Variants in ADPGK observed in about 807,000 individuals in gnomAD.
ADPGK encodes ADP dependent glucokinase.
A neutral mutation model predicts 42.4 loss-of-function variants in ADPGK; 26 were observed. The observed-to-expected ratio is 0.61, with a 90% CI of 0.45 to 0.85. ADPGK has a LOEUF of 0.85. Among genes scored for constraint, ADPGK ranks in the 40% least tolerant of loss-of-function variants. ADPGK has a pLI of 0.00. For missense variants in ADPGK, 571 were observed against 627.0 expected (o/e 0.91, Z 0.95); for synonymous variants, 267 against 252.6 (o/e 1.06, Z -0.54).
chr15:72,762,776 G>A (rs2066210678), intron 3 of ADPGK, among the ~76,000 whole-genome samples: 1 of 152,156 alleles, frequency 6.6e-6, no homozygotes, highest in African/African-American at 2.4e-5. Context: ...GAGGTCAGGA[G>A]TTCGAGACCA....
Position 72,757,994 on chromosome 15 carries a change from T to C in ADPGK, c.644-1547A>G, listed in dbSNP as rs945711457. The C allele has an allele frequency of 3.6e-6, 5 of 1,381,154 alleles. No homozygotes were observed. In the African/African-American group the frequency reaches 7.2e-5, roughly 20 times the overall value. The allele number at this position is 1,381,154 out of a possible 1,614,324, so 85.6% of individuals were successfully genotyped here. On this transcript the variant is annotated intron_variant, in intron 4 of 6. Coordinates refer to ENST00000456471, the MANE Select transcript of ADPGK (RefSeq NM_001365225.1). The stretch of plus-strand genomic sequence containing the variant: ...TTTCCACAGGAAACAAGGCAGCAGA[T>C]GCCAAGAGAGGCTGGAACCTGAAGA...
intron 1 of ADPGK, among the ~76,000 whole-genome samples, chr15:72,781,898 T>A (rs573081898): frequency 6.6e-6 from 1 of 152,300 alleles, no homozygotes; most frequent in South Asian, 2.1e-4. Flanking sequence ...AAGGACCTAG[T>A]GTCCACATAA....
At chr15:72,771,319 C>T (rs1041858282) in intron 3 of ADPGK, among the ~76,000 whole-genome samples, 5 of 152,176 alleles carry the variant, frequency 3.3e-5, no homozygotes, top group African/African-American at 7.2e-5. Flanking sequence ...CTCACCAACA[C>T]GGCCAACCGT....
Position 72,752,773 on chromosome 15 carries a change from C to T in ADPGK, c.1062G>A (p.Met354Ile). 1.2e-6 allele frequency: 2 copies of T among 1,614,208 alleles called. No individual in the cohort carries two copies. Among genetic ancestry groups the T allele is most frequent in the Non-Finnish European group, 1.7e-6 (2 of 1,180,046 alleles). The change falls in exon 7 of 7, where the codon ATG becomes ATA. Residue 354 changes from methionine to isoleucine, a missense_variant. Physicochemically the swap from Met to Ile is conservative, Grantham distance 10 (BLOSUM62 1). Coordinates refer to ENST00000456471, the MANE Select transcript of ADPGK (RefSeq NM_001365225.1). Reference protein sequence around the residue: ...SSWNGVPDVGMVSDILFWILK... With the variant: ...SSWNGVPDVGIVSDILFWILK... ...AGATCCAGAAGAGGATGTCACTGAC[C>T]ATGCCCACATCAGGAACACCGTTCC...
intron 3 of ADPGK, among the ~76,000 whole-genome samples, chr15:72,765,003 A>G (rs2066240526): frequency 6.6e-6 from 1 of 152,152 alleles, no homozygotes; most frequent in Non-Finnish European, 1.5e-5. Flanking sequence ...TCAGAAAAAA[A>G]AAAAAAAAAA....
chr15:72,758,019 A>G lies in ADPGK; in HGVS notation c.644-1572T>C. 3 of 1,544,088 alleles carry G rather than the reference A, an allele frequency of 1.9e-6. No individual in the cohort carries two copies. In the African/African-American group the frequency reaches 4.1e-5, roughly 21 times the overall value. ...TGCCAAGAGAGGCTGGAACCTGAAG[A>G]AAACCACCAGCTGAGATCTGTGAAA... On this transcript the variant is annotated intron_variant, in intron 4 of 6. Coordinates refer to ENST00000456471, the MANE Select transcript of ADPGK (RefSeq NM_001365225.1).
At chr15:72,768,110 C>G (rs2066281573) in intron 3 of ADPGK, among the ~76,000 whole-genome samples, 1 of 151,718 alleles carries the variant, frequency 6.6e-6, no homozygotes, top group Non-Finnish European at 1.5e-5. Flanking sequence ...TTGTAGAGAT[C>G]TTAAAGGAAT....
intron 3 of ADPGK, among the ~76,000 whole-genome samples, chr15:72,766,876 AAGAT>A (rs530728425): frequency 1.6e-3 from 239 of 152,348 alleles, no homozygotes; most frequent in African/African-American, 5.3e-3. Flanking sequence ...AAGAGGGACA[AAGAT>A]AGAGATGGGG....
chr15:72,771,308 G>C (rs1249348594), intron 3 of ADPGK, among the ~76,000 whole-genome samples: 2 of 152,094 alleles, frequency 1.3e-5, no homozygotes, highest in Admixed American at 6.5e-5. Context: ...CTGGATCCAG[G>C]CTCACCAACA....
rs748138023 is a variant in ADPGK, at chr15:72,752,914, G to A, written c.940-19C>T. The A allele has an allele frequency of 3.1e-6, 5 of 1,594,614 alleles. No homozygotes were observed. The African/African-American group carries it at 5.4e-5, about 17-fold the overall frequency. On this transcript the variant is annotated intron_variant, in intron 6 of 6. Coordinates refer to ENST00000456471, the MANE Select transcript of ADPGK (RefSeq NM_001365225.1). ...AGACCTGCTAACAAAAACAACAACA[G>A]GTATCTTTCTGATGGAGATAACCTG...
intron 6 of ADPGK, among the ~76,000 whole-genome samples, 170 bp from the exon 7 acceptor site, chr15:72,753,065 T>TC (rs147582404): frequency 8.7e-4 from 132 of 152,320 alleles, no homozygotes; most frequent in East Asian, 3.9e-3. Flanking sequence ...ACCCCTATCT[T>TC]CACCTTCATC....
intron 6 of ADPGK, among the ~76,000 whole-genome samples, chr15:72,754,322 T>C (rs1296292547): frequency 6.6e-6 from 1 of 152,138 alleles, no homozygotes; most frequent in Middle Eastern, 3.2e-3. Context: ...ACACCGCTGA[T>C]GACGAGGGAT....
At position 72,757,989 on chromosome 15, in the gene ADPGK, G is replaced by A. The variant is rs190012856; in HGVS notation, c.644-1542C>T. The A allele has an allele frequency of 2.0e-3, 2,587 of 1,318,726 alleles. 14 individuals carry two copies. The highest frequency in any genetic ancestry group is 1.7e-3 in the Non-Finnish European group (1,625 of 937,970). The allele number at this position is 1,318,726 out of a possible 1,614,324, so 81.7% of individuals were successfully genotyped here. A position where few individuals can be genotyped will look rare whatever the true frequency, so the allele number is the denominator to read the frequency against. On this transcript the variant is annotated intron_variant, in intron 4 of 6. Transcript: ENST00000456471. ...TGCTGTTTCCACAGGAAACAAGGCA[G>A]CAGATGCCAAGAGAGGCTGGAACCT...
intron 3 of ADPGK, among the ~76,000 whole-genome samples, chr15:72,766,570 A>G (rs1394365112): frequency 6.6e-6 from 1 of 152,196 alleles, no homozygotes; most frequent in African/African-American, 2.4e-5. Context: ...TTTTTCAGAC[A>G]TAATGGTACT....
intron 3 of ADPGK, among the ~76,000 whole-genome samples, chr15:72,764,896 A>G (rs1433965746): frequency 6.6e-6 from 1 of 151,144 alleles, no homozygotes; most frequent in Non-Finnish European, 1.5e-5. Context: ...TGCTAAATCT[A>G]CTCTGCCTGT....
intron 1 of ADPGK, among the ~76,000 whole-genome samples, chr15:72,781,707 G>T (rs952758226): frequency 6.6e-6 from 1 of 152,194 alleles, no homozygotes; most frequent in East Asian, 1.9e-4. Flanking sequence ...AGGCATTAAG[G>T]CTTCTGCCTG....
At chr15:72,779,080 A>T (rs1361522883) in intron 1 of ADPGK, among the ~76,000 whole-genome samples, 2 of 152,312 alleles carry the variant, frequency 1.3e-5, no homozygotes, top group Admixed American at 6.5e-5. Flanking sequence ...CCCACGTAGG[A>T]AGTATACACA....
chr15:72,758,337 A>C, intron 4 of ADPGK: 1 of 637,190 alleles, frequency 1.6e-6, no homozygotes, highest in Admixed American at 2.2e-5. Context: ...CTCAGCCAGT[A>C]AGTCAGCAAA....
intron 3 of ADPGK, among the ~76,000 whole-genome samples, chr15:72,764,016 C>A (rs1322519507): frequency 6.6e-6 from 1 of 152,108 alleles, no homozygotes; most frequent in African/African-American, 2.4e-5. Flanking sequence ...TCCCATCTCT[C>A]GCCCTCTCCT....
Sources: gnomAD v4.1 joint callset for allele counts (sites outside exome capture counted in the v4.1 genomes callset) on GRCh38, gnomAD v4.1.1 for gene constraint, MANE v1.5 for transcripts, NCBI Gene and HGNC (gene_info 2026-07-23, HGNC 2026-07-21) for gene names.